USH2A: variants seen among roughly 807,000 people sequenced by gnomAD.
USH2A encodes the protein Usher syndrome 2A (autosomal recessive, mild).
USH2A carries 443 observed loss-of-function variants against 538.9 expected under a neutral mutation model. That is an observed-to-expected ratio of 0.82 (90% confidence interval 0.76 to 0.89). The LOEUF is 0.89. Ranked by LOEUF, USH2A falls within the 40% of genes least tolerant of loss-of-function variation. USH2A has a pLI of 0.00. For synonymous variants in USH2A, 2,413 were observed against 2,273.5 expected (o/e 1.06, Z -1.75); for missense variants, 6,633 against 6,324.8 (o/e 1.05, Z -1.65).
chr1:216,031,512 A>G (rs1467228445), intron 32 of USH2A, among the ~76,000 whole-genome samples: 2 of 152,158 alleles, frequency 1.3e-5, no homozygotes, highest in Admixed American at 1.3e-4. Context: ...TGCCATCTGT[A>G]TTGTTAAGTC....
chr1:216,201,881 CAG>C (rs2035008963), intron 16 of USH2A: 2 of 160,544 alleles, frequency 1.2e-5, no homozygotes, highest in Non-Finnish European at 2.9e-5. Context: ...ATAGAAGAGA[CAG>C]GGGAAAGTCA....
intron 8 of USH2A, among the ~76,000 whole-genome samples, chr1:216,322,373 C>G (rs529540829): frequency 6.6e-6 from 1 of 151,754 alleles, no homozygotes; most frequent in Non-Finnish European, 1.5e-5. Context: ...GAGACTCAGG[C>G]GGGTAGATCA....
At chr1:215,655,611 T>G (rs1045425253) in intron 64 of USH2A, among the ~76,000 whole-genome samples, 4 of 151,710 alleles carry the variant, frequency 2.6e-5, no homozygotes, top group African/African-American at 9.7e-5. Context: ...ATAATTTTTG[T>G]GAATGGGAAA....
At chr1:216,060,907 A>T (rs975510464) in intron 30 of USH2A, among the ~76,000 whole-genome samples, 20 of 152,232 alleles carry the variant, frequency 1.3e-4, no homozygotes, top group African/African-American at 4.8e-4. Flanking sequence ...GCAGCTTTGC[A>T]TGTTAACAGG....
At chr1:215,881,294 C>G (rs1216853363) in intron 41 of USH2A, among the ~76,000 whole-genome samples, 1 of 152,146 alleles carries the variant, frequency 6.6e-6, no homozygotes, top group Non-Finnish European at 1.5e-5. Flanking sequence ...GCGTGTGCTA[C>G]CACACCCGGC....
At chr1:215,904,331 T>C (rs1443049130) in intron 38 of USH2A, among the ~76,000 whole-genome samples, 1 of 152,114 alleles carries the variant, frequency 6.6e-6, no homozygotes, top group Non-Finnish European at 1.5e-5. Context: ...TCACGAATTC[T>C]CTTCTGAGTA....
intron 42 of USH2A, 81 bp from the exon 43 acceptor site, chr1:215,877,961 T>TATATCACACGCACATGCCACA: frequency 6.3e-7 from 1 of 1,587,786 alleles, no homozygotes; most frequent in Non-Finnish European, 8.6e-7. Context: ...TTCTGTGGCA[T>TATATCACACGCACATGCCACA]GTGCGTGTGA....
chr1:215,809,467 A>G (rs532455891), intron 49 of USH2A, among the ~76,000 whole-genome samples: 51 of 151,824 alleles, frequency 3.4e-4, no homozygotes, highest in African/African-American at 1.2e-3. Context: ...AAAAAAAAAA[A>G]GATGTGGATT....
In USH2A at chr1:216,089,118, T is replaced by C; in HGVS notation, c.4780A>G (p.Thr1594Ala). The C allele has an allele frequency of 1.2e-6, 2 of 1,613,184 alleles. No homozygotes were observed. The change falls in exon 23 of 72, where the codon ACA becomes GCA. Residue 1594 changes from threonine to alanine, a missense_variant. Transcript: ENST00000307340. ...DPQGSPVEVT[T>A]TNDHGKQYSD... ...TATTGTTTGCCATGATCATTAGTTG[T>C]AGTTACTTCCACTGGTGACCCCTTA... is the stretch of plus-strand genomic sequence containing the variant.
chr1:216,264,703 T>C (rs1400177887), intron 11 of USH2A, among the ~76,000 whole-genome samples: 2 of 152,134 alleles, frequency 1.3e-5, no homozygotes, highest in Non-Finnish European at 2.9e-5. Context: ...AGCATGATAC[T>C]GTCGTAAAAC....
intron 58 of USH2A, among the ~76,000 whole-genome samples, chr1:215,747,864 G>GT (rs887299193): frequency 6.8e-4 from 100 of 147,500 alleles, no homozygotes; most frequent in African/African-American, 1.5e-3. Context: ...CAGGTTTTTT[G>GT]TTTTTTTTTG....
intron 43 of USH2A, among the ~76,000 whole-genome samples, chr1:215,877,342 T>G (rs1286031486): frequency 6.6e-6 from 1 of 152,214 alleles, no homozygotes; most frequent in Non-Finnish European, 1.5e-5. Context: ...GCGGACTGAA[T>G]CAATAACTTA....
Position 215,625,760 on chromosome 1 carries a change from C to G in USH2A, c.*21G>C, listed in dbSNP as rs778643527. The G allele has an allele frequency of 6.2e-7, 1 of 1,612,570 alleles. No homozygotes were observed. Among genetic ancestry groups the G allele is most frequent in the South Asian group, 1.1e-5 (1 of 91,046 alleles). ...GTGCAGACCTTGCATTCCAGGGTTA[C>G]GTCTTCTGGGTTTCCATCCTTTACA... On this transcript the variant is annotated 3_prime_UTR_variant, in exon 72 of 72. Transcript: ENST00000307340.
At chr1:216,084,614 G>T in intron 25 of USH2A, 84 bp downstream of exon 25, 3 of 1,478,768 alleles carry the variant, frequency 2.0e-6, no homozygotes, top group Non-Finnish European at 2.8e-6. Context: ...ATGAGGTCAA[G>T]TTAATCAAAC....
chr1:215,669,714 A>T (rs1657750813), intron 64 of USH2A, among the ~76,000 whole-genome samples: 2 of 152,350 alleles, frequency 1.3e-5, no homozygotes, highest in African/African-American at 4.8e-5. Flanking sequence ...ACAAGGGATT[A>T]TGGATTTATA....
intron 20 of USH2A, among the ~76,000 whole-genome samples, chr1:216,186,098 T>C (rs1281607638): frequency 2.0e-5 from 3 of 151,668 alleles, no homozygotes; most frequent in African/African-American, 7.2e-5. Context: ...AAACATTTTT[T>C]CCAGAAAAAA....
intron 55 of USH2A, among the ~76,000 whole-genome samples, chr1:215,776,513 C>A (rs529980931): frequency 1.4e-4 from 22 of 152,182 alleles, no homozygotes; most frequent in African/African-American, 4.3e-4. Flanking sequence ...AGCATGGAGA[C>A]AATGGGGCCG....
intron 37 of USH2A, among the ~76,000 whole-genome samples, chr1:215,935,679 A>T (rs1666474167): frequency 6.6e-6 from 1 of 152,070 alleles, no homozygotes; most frequent in Non-Finnish European, 1.5e-5. Flanking sequence ...GGTTAAAATA[A>T]GAAAAGGGCT....
chr1:215,739,078 A>T lies in USH2A; in HGVS notation c.11711+2297T>A, dbSNP rs180870193. 6.8e-4 allele frequency among the ~76,000 whole-genome samples: 103 copies of T among 152,296 alleles called. 1 individual carries two copies. Among genetic ancestry groups the T allele is most frequent in the Admixed American group, 5.6e-3 (86 of 15,294 alleles). On this transcript the variant is annotated intron_variant, in intron 60 of 71. Coordinates refer to ENST00000307340, the MANE Select transcript of USH2A (RefSeq NM_206933.4). ...CTATGTAGGTGAATATAACGATTGT[A>T]TCTGGAGCCCCAGTGCGCCATTTTC...
Sources: allele counts gnomAD v4.1 joint callset (sites outside exome capture counted in the v4.1 genomes callset), GRCh38; gene constraint gnomAD v4.1.1; transcripts MANE v1.5; gene names NCBI Gene and HGNC (gene_info 2026-07-23, HGNC 2026-07-21).